VPS8: variants seen among roughly 807,000 people sequenced by gnomAD.
VPS8 encodes the protein vacuolar protein sorting-associated protein 8 homolog.
In VPS8, 129 loss-of-function variants were observed where a neutral mutation model predicts 216.4. The ratio of observed to expected loss-of-function variants is 0.60; its 90% CI spans 0.52 to 0.69. The LOEUF (loss-of-function observed/expected upper bound fraction) is 0.69, where lower values mean the gene tolerates loss of function less well. Ranked by LOEUF, VPS8 falls within the 30% of genes least tolerant of loss-of-function variation. The pLI is 0.00. For missense variants in VPS8, 1,531 were observed against 1,683.5 expected, an observed-to-expected ratio of 0.91 and a Z score of 1.59; for synonymous variants, 571 against 565.4, an observed-to-expected ratio of 1.01 and a Z score of -0.14.
chr3:184,905,743 C>T (rs1735384868), intron 25 of VPS8, among the ~76,000 whole-genome samples: 1 of 150,890 alleles, frequency 6.6e-6, no homozygotes, highest in African/African-American at 2.4e-5. Flanking sequence ...GAAGAATAGA[C>T]AACACTAAGG....
At chr3:184,829,163 G>A (rs920596258) in intron 3 of VPS8, among the ~76,000 whole-genome samples, 2 of 152,062 alleles carry the variant, frequency 1.3e-5, no homozygotes, top group African/African-American at 2.4e-5. Flanking sequence ...TCTTATTAAT[G>A]TGTTTTGGCA....
chr3:184,841,175 A>G (rs1310976489), intron 7 of VPS8, among the ~76,000 whole-genome samples: 1 of 152,200 alleles, frequency 6.6e-6, no homozygotes, highest in African/African-American at 2.4e-5. Context: ...TAGTTGATAT[A>G]TAGTCATAGT....
chr3:184,968,902 A>G (rs996355354), intron 39 of VPS8, among the ~76,000 whole-genome samples: 2 of 152,168 alleles, frequency 1.3e-5, no homozygotes, highest in Admixed American at 6.5e-5. Context: ...TTTTGTATTA[A>G]GGTCCTAGAT....
chr3:184,847,378 A>C (rs1368966034), intron 8 of VPS8, among the ~76,000 whole-genome samples: 1 of 152,192 alleles, frequency 6.6e-6, no homozygotes, highest in Non-Finnish European at 1.5e-5. Context: ...AACTAGATTT[A>C]CTTTTATAGA....
intron 25 of VPS8, among the ~76,000 whole-genome samples, chr3:184,908,493 G>A (rs1331869805): frequency 1.3e-5 from 2 of 152,218 alleles, no homozygotes; most frequent in East Asian, 1.9e-4. Flanking sequence ...GGGTGCCCAC[G>A]ACCCTGAAGC....
chr3:184,906,020 G>T (rs1465854857), intron 25 of VPS8, among the ~76,000 whole-genome samples: 1 of 152,044 alleles, frequency 6.6e-6, no homozygotes, highest in Non-Finnish European at 1.5e-5. Flanking sequence ...TGGAAGCTCA[G>T]CTTTTCAGGT....
At chr3:184,839,434 A>G (rs1721710056) in intron 6 of VPS8, 2 of 364,266 alleles carry the variant, frequency 5.5e-6, no homozygotes, top group Admixed American at 4.7e-5. Flanking sequence ...CTTTAGAGGA[A>G]GCTAAGTGGC....
chr3:184,907,508 G>C (rs553117251), intron 25 of VPS8, among the ~76,000 whole-genome samples: 2 of 152,212 alleles, frequency 1.3e-5, no homozygotes, highest in Non-Finnish European at 2.9e-5. Context: ...TTTTCCCTTT[G>C]GCTTAGTGAT....
intron 22 of VPS8, among the ~76,000 whole-genome samples, chr3:184,887,262 G>A (rs1034985997): frequency 3.3e-5 from 5 of 152,102 alleles, no homozygotes; most frequent in African/African-American, 1.2e-4. Flanking sequence ...TGGGAGGATC[G>A]TTTGAGCGCA....
chr3:184,860,826 T>C (rs1307824985), intron 15 of VPS8, among the ~76,000 whole-genome samples: 10 of 82,690 alleles, frequency 1.2e-4, no homozygotes, highest in Non-Finnish European at 2.2e-4. Context: ...GACTTCTTGG[T>C]TTTTTTTTTT....
chr3:184,880,931 C>T (rs1309976634), intron 21 of VPS8, among the ~76,000 whole-genome samples: 1 of 152,136 alleles, frequency 6.6e-6, no homozygotes, highest in Non-Finnish European at 1.5e-5. Context: ...AACATCTTTT[C>T]ATGTGTTTAT....
intron 28 of VPS8, chr3:184,919,164 A>T (rs1228645960): frequency 1.3e-5 from 2 of 152,198 alleles, no homozygotes; most frequent in African/African-American, 4.8e-5. Flanking sequence ...AAGAACAGTA[A>T]CTACTCTTGT....
chr3:184,990,353 A>C (rs1425292918), intron 42 of VPS8, among the ~76,000 whole-genome samples: 2 of 152,136 alleles, frequency 1.3e-5, no homozygotes, highest in Non-Finnish European at 1.5e-5. Context: ...CTTACCCCCG[A>C]GGCTGTGAGT....
At position 184,849,060 on chromosome 3, in the gene VPS8, G is replaced by A; in HGVS notation, c.542-11G>A. 6.2e-7 allele frequency: 1 copy of A among 1,611,982 alleles called. No individual in the cohort carries two copies. Among genetic ancestry groups the A allele is most frequent in the Non-Finnish European group, 8.5e-7 (1 of 1,178,574 alleles). On this transcript the variant is annotated splice_polypyrimidine_tract_variant and intron_variant, in intron 8 of 47. Coordinates refer to ENST00000625842, the MANE Select transcript of VPS8 (RefSeq NM_001009921.3). ...TTTCCTTCACTTGACTTTAAAAACTGCTTTCTTTAGATCAGAATCAAGCTT... is the reference window on the plus strand; with the variant it reads ...TTTCCTTCACTTGACTTTAAAAACTACTTTCTTTAGATCAGAATCAAGCTT...
intron 36 of VPS8, among the ~76,000 whole-genome samples, chr3:184,940,892 T>C (rs1208417773): frequency 6.6e-6 from 1 of 152,210 alleles, no homozygotes; most frequent in Non-Finnish European, 1.5e-5. Flanking sequence ...TAATATTTAA[T>C]ATCCTCTAAG....
intron 42 of VPS8, among the ~76,000 whole-genome samples, chr3:184,990,589 G>A (rs1751762968): frequency 6.6e-6 from 1 of 152,172 alleles, no homozygotes; most frequent in African/African-American, 2.4e-5. Context: ...TGTATCTCAT[G>A]AGAAAAGTGC....
intron 45 of VPS8, among the ~76,000 whole-genome samples, chr3:185,011,970 T>A (rs974534737): frequency 7.2e-5 from 11 of 152,088 alleles, no homozygotes; most frequent in African/African-American, 2.7e-4. Context: ...AAATAGAATC[T>A]CTGAAGTAAA....
At chr3:184,947,459 A>G (rs924300328) in intron 36 of VPS8, among the ~76,000 whole-genome samples, 1 of 152,164 alleles carries the variant, frequency 6.6e-6, no homozygotes, top group African/African-American at 2.4e-5. Context: ...ACATTGTCCC[A>G]TACCTTATTG....
chr3:184,937,809 T>C (rs570209634), intron 35 of VPS8, among the ~76,000 whole-genome samples: 1 of 152,226 alleles, frequency 6.6e-6, no homozygotes, highest in South Asian at 2.1e-4. Context: ...CAGGGGGTGA[T>C]GGTGGAAGTG....
Sources: allele counts gnomAD v4.1 joint callset (sites outside exome capture counted in the v4.1 genomes callset), GRCh38; gene constraint gnomAD v4.1.1; transcripts MANE v1.5; gene names NCBI Gene and HGNC (gene_info 2026-07-23, HGNC 2026-07-21).